SPICE1: variants seen among roughly 807,000 people sequenced by gnomAD.
SPICE1 encodes spindle and centriole-associated protein 1.
SPICE1 carries 75 observed loss-of-function variants against 102.7 expected under a neutral mutation model. The observed-to-expected ratio is 0.73, with a 90% CI of 0.61 to 0.88. The LOEUF (loss-of-function observed/expected upper bound fraction) is 0.88, where lower values mean the gene tolerates loss of function less well. Among genes scored for constraint, SPICE1 ranks in the 40% least tolerant of loss-of-function variants. The pLI is 0.00. For missense variants in SPICE1, 979 were observed against 1,020.1 expected (o/e 0.96, Z 0.55); for synonymous variants, 308 against 350.3 (o/e 0.88, Z 1.35).
rs994306853 is a variant in SPICE1 at position 113,444,716 on chromosome 3, T to C, written c.*591A>G. On this transcript the variant is annotated 3_prime_UTR_variant, in exon 18 of 18. Coordinates refer to ENST00000295872, the MANE Select transcript of SPICE1 (RefSeq NM_144718.4). ...TCACATTTAAAAACTACATAAGATT[T>C]TATAATAAATGCAACCACTCTTACC... 1 of 152,140 alleles carries C rather than the reference T, an allele frequency of 6.6e-6. No homozygotes were observed. The highest frequency in any genetic ancestry group is 2.4e-5 in the African/African-American group (1 of 41,424). The allele number at this position is 152,140 out of a possible 1,614,324, so 9.4% of individuals were successfully genotyped here.
intron 13 of SPICE1, among the ~76,000 whole-genome samples, chr3:113,454,843 T>A (rs1385493944): frequency 1.3e-5 from 2 of 152,082 alleles, no homozygotes; most frequent in Non-Finnish European, 2.9e-5. Context: ...TTCTCAGGCA[T>A]GTATGACTGA....
intron 13 of SPICE1, among the ~76,000 whole-genome samples, chr3:113,454,646 G>T (rs1156922173): frequency 1.3e-5 from 2 of 152,040 alleles, no homozygotes; most frequent in African/African-American, 2.4e-5. Context: ...AACCCAGGAG[G>T]CAGAGGTTGC....
chr3:113,497,946 G>A lies in SPICE1; in HGVS notation c.291+1493C>T, dbSNP rs185919655. Among the ~76,000 whole-genome samples, 32 of 150,350 alleles carry A rather than the reference G, an allele frequency of 2.1e-4. No individual in the cohort carries two copies. In the East Asian group the frequency reaches 3.5e-3, roughly 17 times the overall value. On this transcript the variant is annotated intron_variant, in intron 4 of 17. Transcript: ENST00000295872. ...GGCTGGAGTGCAATGGACCAATCTCGGCTCACTGCAACCTCCGCCTCCCAG... is the reference window on the plus strand; with the variant it reads ...GGCTGGAGTGCAATGGACCAATCTCAGCTCACTGCAACCTCCGCCTCCCAG...
chr3:113,468,487 T>C, intron 9 of SPICE1, 83 bp from the exon 10 acceptor site: 2 of 1,460,620 alleles, frequency 1.4e-6, no homozygotes, highest in Admixed American at 2.0e-5. Context: ...TTGACTATTG[T>C]TCACAATTTA....
In SPICE1 at chr3:113,460,685, A is replaced by T; in HGVS notation, c.1367T>A (p.Ile456Lys). Reference protein sequence around the residue: ...LTHAIKNCPVINNRQEIQASE... With the variant: ...LTHAIKNCPVKNNRQEIQASE... ...TGCCTGAATTTCTTGTCTGTTATTT[A>T]TCACAGGACAGTTCTTAATAGCATG... The change falls in exon 12 of 18, where the codon ATA (isoleucine) becomes AAA (lysine). Residue 456 changes from isoleucine to lysine, a missense_variant. Ile to Lys is a moderately radical substitution (Grantham distance 102). Coordinates refer to ENST00000295872, the MANE Select transcript of SPICE1 (RefSeq NM_144718.4). 3.1e-6 allele frequency: 5 copies of T among 1,613,892 alleles called. No homozygotes were observed. Among genetic ancestry groups the T allele is most frequent in the Non-Finnish European group, 4.2e-6 (5 of 1,179,928 alleles).
intron 10 of SPICE1, among the ~76,000 whole-genome samples, chr3:113,466,350 G>A (rs1936056597): frequency 6.6e-6 from 1 of 152,196 alleles, no homozygotes; most frequent in Non-Finnish European, 1.5e-5. Flanking sequence ...GCTCACACCT[G>A]TAATCCCAGC....
chr3:113,482,620 C>A (rs953871994), intron 7 of SPICE1, among the ~76,000 whole-genome samples: 3 of 152,186 alleles, frequency 2.0e-5, no homozygotes, highest in Non-Finnish European at 4.4e-5. Context: ...TTTCAGTTTT[C>A]TGCATATGGC....
intron 7 of SPICE1, among the ~76,000 whole-genome samples, chr3:113,483,639 T>G (rs1936573565): frequency 6.6e-6 from 1 of 152,222 alleles, no homozygotes; most frequent in Admixed American, 6.5e-5. Flanking sequence ...GTTAATCATG[T>G]GATTTTTGTC....
Position 113,515,149 on chromosome 3 carries a change from C to A in SPICE1, c.-253G>T, listed in dbSNP as rs1421217063. 12 of 174,830 alleles carry A rather than the reference C, an allele frequency of 6.9e-5. No homozygotes were observed. Among genetic ancestry groups the A allele is most frequent in the Non-Finnish European group, 1.5e-4 (12 of 81,860 alleles). 10.8% of individuals were successfully genotyped at this position (174,830 alleles called of 1,614,324 possible). ...CAGGCGCCGGAACCGCGGAGCGCGC[C>A]ACAGGTTAACCCAGCCAGCGGCTTC... On this transcript the variant is annotated 5_prime_UTR_variant, in exon 1 of 18. Coordinates refer to ENST00000295872, the MANE Select transcript of SPICE1 (RefSeq NM_144718.4).
intron 1 of SPICE1, among the ~76,000 whole-genome samples, chr3:113,507,773 C>T (rs895250927): frequency 1.3e-5 from 2 of 152,152 alleles, no homozygotes; most frequent in African/African-American, 4.8e-5. Flanking sequence ...AAGCCAGATG[C>T]TATTCTAAGC....
At chr3:113,463,607 C>A (rs1023020444) in intron 11 of SPICE1, among the ~76,000 whole-genome samples, 4 of 152,202 alleles carry the variant, frequency 2.6e-5, no homozygotes, top group African/African-American at 9.7e-5. Flanking sequence ...AGTACTGATA[C>A]ATGCTAAACA....
At chr3:113,495,536 G>C (rs1936863780) in intron 4 of SPICE1, among the ~76,000 whole-genome samples, 1 of 152,192 alleles carries the variant, frequency 6.6e-6, no homozygotes, top group Non-Finnish European at 1.5e-5. Context: ...AGACCCAGAA[G>C]ACTGAGAGTC....
intron 1 of SPICE1, among the ~76,000 whole-genome samples, chr3:113,507,932 A>G (rs1937143931): frequency 6.6e-6 from 1 of 152,214 alleles, no homozygotes; most frequent in Non-Finnish European, 1.5e-5. Flanking sequence ...CATAAGTACC[A>G]TTTAAAAAGA....
rs572666863 is a variant in SPICE1, at chr3:113,502,423, C to T, written c.147+757G>A. On this transcript the variant is annotated intron_variant, in intron 3 of 17. Coordinates refer to ENST00000295872, the MANE Select transcript of SPICE1 (RefSeq NM_144718.4). ...CGTGTTGTATTCCGCATATATCAAACGACCAGAATAGGCAAATACATAAAA... is the reference window on the plus strand; with the variant it reads ...CGTGTTGTATTCCGCATATATCAAATGACCAGAATAGGCAAATACATAAAA... 6.6e-5 allele frequency among the ~76,000 whole-genome samples: 10 copies of T among 152,178 alleles called. No homozygotes were observed. In the South Asian group the frequency reaches 1.9e-3, roughly 28 times the overall value.
chr3:113,473,262 G>A (rs1421414892), intron 7 of SPICE1, among the ~76,000 whole-genome samples: 1 of 152,176 alleles, frequency 6.6e-6, no homozygotes, highest in East Asian at 1.9e-4. Flanking sequence ...AACGAACAAA[G>A]CCTCCAAGAA....
intron 11 of SPICE1, among the ~76,000 whole-genome samples, chr3:113,464,067 C>CA (rs544915251): frequency 1.6e-3 from 210 of 129,958 alleles, no homozygotes; most frequent in East Asian, 7.4e-3. Flanking sequence ...GACTCCGTCT[C>CA]AAAAAAAAAA....
chr3:113,473,789 C>T (rs1378970537), intron 7 of SPICE1, among the ~76,000 whole-genome samples: 1 of 151,572 alleles, frequency 6.6e-6, no homozygotes, highest in Non-Finnish European at 1.5e-5. Flanking sequence ...GAAGGAAGCA[C>T]TAAACATGGA....
intron 10 of SPICE1, among the ~76,000 whole-genome samples, chr3:113,466,863 A>G (rs1055361333): frequency 6.6e-6 from 1 of 152,164 alleles, no homozygotes; most frequent in African/African-American, 2.4e-5. Flanking sequence ...CCTGGGCAAC[A>G]TAGTGAGACT....
chr3:113,449,604 C>T (rs529880524), intron 15 of SPICE1: 19 of 152,302 alleles, frequency 1.2e-4, no homozygotes, highest in South Asian at 2.1e-4. Context: ...AGGTAACCTA[C>T]TTCAACCAGA....
Sources: gnomAD v4.1 joint callset for allele counts (sites outside exome capture counted in the v4.1 genomes callset) on GRCh38, gnomAD v4.1.1 for gene constraint, MANE v1.5 for transcripts, NCBI Gene and HGNC (gene_info 2026-07-23, HGNC 2026-07-21) for gene names.